Variants in AP1AR observed in about 807,000 individuals in gnomAD.
AP1AR encodes adaptor related protein complex 1 associated regulatory protein.
A neutral mutation model predicts 46.3 loss-of-function variants in AP1AR; 29 were observed. The ratio of observed to expected loss-of-function variants is 0.63; its 90% confidence interval spans 0.47 to 0.85. The LOEUF (loss-of-function observed/expected upper bound fraction) is 0.85. AP1AR is among the 40% of genes least tolerant of loss of function. AP1AR has a pLI of 0.00. For synonymous variants in AP1AR, 122 were observed against 122.9 expected, an observed-to-expected ratio of 0.99 and a Z score of 0.05; for missense variants, 357 against 356.3, an observed-to-expected ratio of 1.00 and a Z score of -0.02.
rs1727009748 is a variant in AP1AR at position 112,272,808 on chromosome 4, T to C, written c.*4399T>C. Among the ~76,000 whole-genome samples, 1 of 152,184 alleles carries C rather than the reference T, an allele frequency of 6.6e-6. No individual in the cohort carries two copies. The highest frequency in any genetic ancestry group is 2.4e-5 in the African/African-American group (1 of 41,438). ...CTCACCACTGGTAACACTAGAACTT[T>C]TGAAATGATATATTTTGGAATTATG... On this transcript the variant is annotated 3_prime_UTR_variant, in exon 10 of 10. Coordinates refer to ENST00000274000, the MANE Select transcript of AP1AR (RefSeq NM_018569.6).
At chr4:112,248,657 TAAA>T (rs959418276) in intron 1 of AP1AR, among the ~76,000 whole-genome samples, 1 of 152,144 alleles carries the variant, frequency 6.6e-6, no homozygotes, top group African/African-American at 2.4e-5. Context: ...ATAAAAGTTT[TAAA>T]AAACAGAGTG....
chr4:112,266,893 A>T (rs1578423980), intron 9 of AP1AR, 177 bp downstream of exon 9: 1 of 507,932 alleles, frequency 2.0e-6, no homozygotes. Context: ...AATTTTTAGA[A>T]AATTGCTTAA....
intron 1 of AP1AR, among the ~76,000 whole-genome samples, chr4:112,240,159 C>G (rs1437566042): frequency 1.3e-5 from 2 of 152,224 alleles, no homozygotes; most frequent in Non-Finnish European, 2.9e-5. Context: ...TTTCAAGGCT[C>G]TGTGTTTATC....
At chr4:112,253,312 C>T in intron 2 of AP1AR, 56 bp downstream of exon 2, 1 of 1,341,674 alleles carries the variant, frequency 7.5e-7, no homozygotes, top group Non-Finnish European at 1.1e-6. Context: ...GCGGAAGGGG[C>T]TTTTTGTTGT....
At chr4:112,257,122 G>A (rs1329819713) in intron 3 of AP1AR, among the ~76,000 whole-genome samples, 3 of 152,106 alleles carry the variant, frequency 2.0e-5, no homozygotes, top group Non-Finnish European at 4.4e-5. Context: ...ATACTTAGAG[G>A]TCATTTTAAA....
intron 1 of AP1AR, among the ~76,000 whole-genome samples, chr4:112,237,612 G>A (rs1260815285): frequency 6.6e-6 from 1 of 151,624 alleles, no homozygotes; most frequent in East Asian, 1.9e-4. Flanking sequence ...AGGCCACCAC[G>A]CTTGGCTAAT....
chr4:112,235,280 ACCC>A (rs1725192183), intron 1 of AP1AR, among the ~76,000 whole-genome samples: 1 of 152,164 alleles, frequency 6.6e-6, no homozygotes. Flanking sequence ...CAGATAGAAG[ACCC>A]AATTAAGTTT....
At chr4:112,256,049 T>A (rs1012315070) in intron 3 of AP1AR, among the ~76,000 whole-genome samples, 1 of 152,204 alleles carries the variant, frequency 6.6e-6, no homozygotes, top group African/African-American at 2.4e-5. Context: ...AATGTATTCT[T>A]TAGTCCAGCC....
At chr4:112,244,917 G>C (rs988033577) in intron 1 of AP1AR, among the ~76,000 whole-genome samples, 7 of 152,034 alleles carry the variant, frequency 4.6e-5, no homozygotes, top group African/African-American at 1.7e-4. Context: ...CTGTTTTTTA[G>C]CTTCCTTATT....
rs1726796073 is a variant in AP1AR, at chr4:112,268,336, G to A, written c.836G>A (p.Gly279Glu). ...MDDNGNSEYS[G>E]FVNPVLELSD... ...GATAATGGAAATTCCGAGTATTCTG[G>A]ATTTGTAAATCCTGTATTAGAACTG... Residue 279 changes from glycine to glutamate, a missense_variant, in exon 10 of 10, where the codon GGA becomes GAA. Coordinates refer to ENST00000274000, the MANE Select transcript of AP1AR (RefSeq NM_018569.6). 5 of 1,613,030 alleles carry A rather than the reference G, an allele frequency of 3.1e-6. No homozygotes were observed. The highest frequency in any genetic ancestry group is 4.2e-6 in the Non-Finnish European group (5 of 1,179,308).
rs1251447215 is a variant in AP1AR at position 112,265,038 on chromosome 4, T to A, written c.411T>A (p.Tyr137Ter). 1 of 1,603,454 alleles carries A rather than the reference T, an allele frequency of 6.2e-7. No individual in the cohort carries two copies. The highest frequency in any genetic ancestry group is 8.5e-7 in the Non-Finnish European group (1 of 1,176,612). The change falls in exon 7 of 10, where the codon TAT (tyrosine) becomes TAA (stop). Residue 137 changes from tyrosine (Y) to a stop codon, truncating the protein, a stop_gained. Transcript: ENST00000274000. LOFTEE classifies it high-confidence loss of function. ...EQERQRIVQQ[Y>*]HPSNNGEYQS... is the part of the protein sequence containing the mutation. Reference sequence around the variant, plus strand: ...AAAGGCAGAGAATTGTGCAGCAATATCATCCTTCCAACAATGGAGAATATC... The same window carrying A: ...AAAGGCAGAGAATTGTGCAGCAATAACATCCTTCCAACAATGGAGAATATC...
chr4:112,268,598 C>T lies in AP1AR; in HGVS notation c.*189C>T. 1 of 465,860 alleles carries T rather than the reference C, an allele frequency of 2.1e-6. No homozygotes were observed. Among genetic ancestry groups the T allele is most frequent in the Non-Finnish European group, 3.5e-6 (1 of 282,834 alleles). The allele number at this position is 465,860 out of a possible 1,614,324, so 28.9% of individuals were successfully genotyped here. ...GATACAGAATTAAGTGCAATTTCAT[C>T]ATCTGCCTTCTGCTTTTCAAGACCA... On this transcript the variant is annotated 3_prime_UTR_variant, in exon 10 of 10. Transcript: ENST00000274000.
intron 1 of AP1AR, among the ~76,000 whole-genome samples, chr4:112,239,516 A>G (rs1489324707): frequency 1.3e-5 from 2 of 152,160 alleles, no homozygotes; most frequent in Non-Finnish European, 2.9e-5. Flanking sequence ...TGACATGCAT[A>G]TAGCTGCTAA....
In AP1AR at chr4:112,268,710, C is replaced by T. The variant is rs1041925921; in HGVS notation, c.*301C>T. ...GTTTACTATGGTAGATTTCCACTTT[C>T]AATTTTTAAAATTAATTTTACTTTG... On this transcript the variant is annotated 3_prime_UTR_variant, in exon 10 of 10. Transcript: ENST00000274000. The T allele has an allele frequency of 4.6e-6, 1 of 218,178 alleles. No individual in the cohort carries two copies. Among genetic ancestry groups the T allele is most frequent in the South Asian group, 1.8e-4 (1 of 5,520 alleles). 13.5% of individuals were successfully genotyped at this position (218,178 alleles called of 1,614,324 possible).
intron 1 of AP1AR, among the ~76,000 whole-genome samples, chr4:112,243,674 C>T (rs1203922392): frequency 6.6e-6 from 1 of 152,154 alleles, no homozygotes; most frequent in Non-Finnish European, 1.5e-5. Flanking sequence ...AATTACTTCA[C>T]CCTTCTGTTG....
At chr4:112,255,981 A>C (rs1403351623) in intron 3 of AP1AR, among the ~76,000 whole-genome samples, 3 of 152,208 alleles carry the variant, frequency 2.0e-5, no homozygotes, top group Non-Finnish European at 4.4e-5. Flanking sequence ...CTGAAAGTTG[A>C]CACTGTCGTT....
chr4:112,243,534 G>A (rs765423439), intron 1 of AP1AR, among the ~76,000 whole-genome samples: 3 of 151,984 alleles, frequency 2.0e-5, no homozygotes, highest in Non-Finnish European at 4.4e-5. Context: ...GTTTATCCCC[G>A]CTCACTGTTT....
intron 3 of AP1AR, 142 bp downstream of exon 3, chr4:112,254,915 C>T: frequency 2.4e-6 from 1 of 422,518 alleles, no homozygotes; most frequent in Non-Finnish European, 4.1e-6. Context: ...CTTTTTAGTT[C>T]TTTATTATTT....
At chr4:112,232,330 A>T (rs1476172773) in intron 1 of AP1AR, among the ~76,000 whole-genome samples, 156 bp downstream of exon 1, 1 of 152,174 alleles carries the variant, frequency 6.6e-6, no homozygotes. Context: ...GTCGTCTTGG[A>T]GGCCCAGTCT....
Sources: allele counts gnomAD v4.1 joint callset (sites outside exome capture counted in the v4.1 genomes callset), GRCh38; gene constraint gnomAD v4.1.1; transcripts MANE v1.5; gene names NCBI Gene and HGNC (gene_info 2026-07-23, HGNC 2026-07-21).